ERC1: variants seen among roughly 807,000 people sequenced by gnomAD.
ERC1 encodes ELKS/RAB6-interacting/CAST family member 1.
ERC1 carries 56 observed loss-of-function variants against 132.0 expected under a neutral mutation model. That is an observed-to-expected ratio of 0.42 (90% CI 0.34 to 0.53). The LOEUF (loss-of-function observed/expected upper bound fraction) is 0.53, where lower values mean the gene tolerates loss of function less well. ERC1 is among the 20% of genes least tolerant of loss of function. The pLI is 0.03. For synonymous variants in ERC1, 478 were observed against 476.1 expected, an observed-to-expected ratio of 1.00 and a Z score of -0.05; for missense variants, 1,202 against 1,349.9, an observed-to-expected ratio of 0.89 and a Z score of 1.72.
intron 18 of ERC1, among the ~76,000 whole-genome samples, chr12:1,472,511 G>A (rs1301804426): frequency 6.6e-6 from 1 of 152,196 alleles, no homozygotes; most frequent in African/African-American, 2.4e-5. Context: ...TTAGTGGGGT[G>A]TGCTGGCATT....
At chr12:1,095,099 A>C (rs930953906) in intron 3 of ERC1, among the ~76,000 whole-genome samples, 2 of 152,198 alleles carry the variant, frequency 1.3e-5, no homozygotes, top group Non-Finnish European at 2.9e-5. Context: ...AAGTTGACTT[A>C]CTTTTACAAA....
At chr12:1,121,203 C>T (rs993102251) in intron 7 of ERC1, among the ~76,000 whole-genome samples, 11 of 152,182 alleles carry the variant, frequency 7.2e-5, no homozygotes, top group Non-Finnish European at 1.0e-4. Context: ...ACCTAGTGCC[C>T]GATCGATTCA....
chr12:1,342,508 C>T (rs566890351), intron 15 of ERC1, among the ~76,000 whole-genome samples: 2 of 150,288 alleles, frequency 1.3e-5, no homozygotes, highest in South Asian at 4.3e-4. Flanking sequence ...GCAAAAAATG[C>T]AGGGATAGAG....
At chr12:1,229,135 G>A (rs1430754867) in intron 12 of ERC1, among the ~76,000 whole-genome samples, 3 of 152,156 alleles carry the variant, frequency 2.0e-5, no homozygotes, top group Non-Finnish European at 4.4e-5. Flanking sequence ...GAAGCCATCT[G>A]GTCCTCAGCT....
At chr12:1,006,928 A>C (rs1212540519) in intron 1 of ERC1, among the ~76,000 whole-genome samples, 1 of 150,466 alleles carries the variant, frequency 6.6e-6, no homozygotes, top group Non-Finnish European at 1.5e-5. Flanking sequence ...AAAATCTAAT[A>C]TACAATATAT....
intron 16 of ERC1, among the ~76,000 whole-genome samples, chr12:1,393,891 C>T (rs1474535778): frequency 6.6e-6 from 1 of 150,864 alleles, no homozygotes; most frequent in Non-Finnish European, 1.5e-5. Context: ...TGGCGGGCGC[C>T]TGTAGTCCCA....
At chr12:1,123,205 A>T (rs10505722) in intron 7 of ERC1, among the ~76,000 whole-genome samples, 1 of 152,176 alleles carries the variant, frequency 6.6e-6, no homozygotes, top group African/African-American at 2.4e-5. Context: ...AAATACAAGC[A>T]TAAGTATGGC....
intron 13 of ERC1, among the ~76,000 whole-genome samples, chr12:1,241,847 C>CTTTTTTTTTTTTTTTTTTTTTTTTTTT (rs57016547): frequency 3.7e-5 from 3 of 80,490 alleles, no homozygotes; most frequent in East Asian, 3.8e-4. Context: ...TCTTCTTCTT[C>CTTTTTTTTTTTTTTTTTTTTTTTTTTT]TTTTTTTTTT....
At chr12:1,468,977 G>A (rs912392651) in intron 18 of ERC1, among the ~76,000 whole-genome samples, 2 of 152,138 alleles carry the variant, frequency 1.3e-5, no homozygotes, top group Non-Finnish European at 2.9e-5. Flanking sequence ...TCTCCTTCAC[G>A]AATGTTAACT....
chr12:1,317,198 T>A lies in ERC1; in HGVS notation c.2780+27186T>A, dbSNP rs539927657. Among the ~76,000 whole-genome samples the A allele has an allele frequency of 1.6e-3, 241 of 147,440 alleles. 1 individual carries two copies. Among genetic ancestry groups the A allele is most frequent in the Admixed American group, 5.2e-3 (77 of 14,794 alleles). On this transcript the variant is annotated intron_variant, in intron 15 of 18. Transcript: ENST00000360905. ...AAAAAAAAAAAGAAAATGTGTAACA[T>A]ATACACCATGGAATACTATGCAGCC...
intron 15 of ERC1, among the ~76,000 whole-genome samples, chr12:1,315,098 C>A: frequency 6.6e-6 from 1 of 152,156 alleles, no homozygotes; most frequent in East Asian, 1.9e-4. Flanking sequence ...CTGCTCACTG[C>A]AACCTCTGCC....
intron 15 of ERC1, among the ~76,000 whole-genome samples, chr12:1,304,737 T>C (rs1399842712): frequency 6.6e-6 from 1 of 151,840 alleles, no homozygotes; most frequent in African/African-American, 2.4e-5. Context: ...AGTTCTATTA[T>C]TTCGAGTTTT....
At position 1,460,260 on chromosome 12, in the gene ERC1, A is replaced by G. The variant is rs116206086; in HGVS notation, c.3213+15510A>G. Reference sequence around the variant, plus strand: ...TAAAAAGTTTTTAAAAACTTAAATCAGTAAACTAGGATTAAGATTTTAATC... The same window carrying G: ...TAAAAAGTTTTTAAAAACTTAAATCGGTAAACTAGGATTAAGATTTTAATC... On this transcript the variant is annotated intron_variant, in intron 18 of 18. Transcript: ENST00000360905. Among the ~76,000 whole-genome samples, 544 of 152,372 alleles carry G rather than the reference A, an allele frequency of 3.6e-3. 3 individuals carry two copies. The highest frequency in any genetic ancestry group is 0.012 in the African/African-American group (498 of 41,578).
intron 14 of ERC1, among the ~76,000 whole-genome samples, chr12:1,265,416 GTTAATAGACTTCGCAGTTT>G (rs2077414237): frequency 6.6e-6 from 1 of 152,104 alleles, no homozygotes; most frequent in Non-Finnish European, 1.5e-5. Context: ...TTTATTTATG[GTTAATAGACTTCGCAGTTT>G]TTAGGTTTGC....
chr12:1,433,494 T>C (rs1324397799), intron 17 of ERC1, among the ~76,000 whole-genome samples: 1 of 152,204 alleles, frequency 6.6e-6, no homozygotes, highest in Non-Finnish European at 1.5e-5. Flanking sequence ...ACATAGAATG[T>C]AGAGCACTGA....
chr12:1,284,595 G>A (rs1404859841), intron 14 of ERC1, among the ~76,000 whole-genome samples: 1 of 152,094 alleles, frequency 6.6e-6, no homozygotes, highest in Non-Finnish European at 1.5e-5. Flanking sequence ...ATCCTTGCCA[G>A]CATTTGTTAT....
intron 2 of ERC1, among the ~76,000 whole-genome samples, chr12:1,061,019 G>T (rs972580699): frequency 6.6e-6 from 1 of 152,068 alleles, no homozygotes; most frequent in Non-Finnish European, 1.5e-5. Context: ...GAGCCACCAC[G>T]CCTGGCCACA....
At chr12:1,344,042 C>T (rs1234785095) in intron 15 of ERC1, among the ~76,000 whole-genome samples, 7 of 152,082 alleles carry the variant, frequency 4.6e-5, no homozygotes, top group Admixed American at 4.6e-4. Context: ...GGGGTTTCAC[C>T]GTGTTAGCCA....
chr12:1,240,078 C>G (rs1277265565), intron 13 of ERC1, among the ~76,000 whole-genome samples: 1 of 152,034 alleles, frequency 6.6e-6, no homozygotes, highest in African/African-American at 2.4e-5. Context: ...GACAGAGGAG[C>G]AAGAATGAAG....
Sources: allele counts gnomAD v4.1 joint callset (sites outside exome capture counted in the v4.1 genomes callset), GRCh38; gene constraint gnomAD v4.1.1; transcripts MANE v1.5; gene names NCBI Gene and HGNC (gene_info 2026-07-23, HGNC 2026-07-21).